SIAH3: variants seen among roughly 807,000 people sequenced by gnomAD.
The protein encoded by SIAH3 is siah E3 ubiquitin protein ligase family member 3, also known as seven in absentia homolog 3.
Under a neutral mutation model 12.6 loss-of-function variants are expected in SIAH3, and 9 were observed. The ratio of observed to expected loss-of-function variants is 0.72; its 90% confidence interval spans 0.43 to 1.25. The LOEUF (loss-of-function observed/expected upper bound fraction) is 1.25, where lower values mean the gene tolerates loss of function less well. SIAH3 is among the 50% of genes most tolerant of loss of function. The pLI, the probability that SIAH3 is intolerant of heterozygous loss-of-function variation, is 0.00. For missense variants in SIAH3, 390 were observed against 365.4 expected, an observed-to-expected ratio of 1.07 and a Z score of -0.55; for synonymous variants, 154 against 151.1, an observed-to-expected ratio of 1.02 and a Z score of -0.14.
intron 1 of SIAH3, among the ~76,000 whole-genome samples, chr13:45,838,717 C>T (rs1050856170): frequency 1.3e-5 from 2 of 152,098 alleles, no homozygotes; most frequent in African/African-American, 2.4e-5. Flanking sequence ...GGTGACTTTT[C>T]CCAGACGTCA....
chr13:45,783,537 C>CG lies in SIAH3; in HGVS notation c.655dup (p.Arg219ProfsTer5). 6.2e-7 allele frequency: 1 copy of CG among 1,614,198 alleles called. No homozygotes were observed. The highest frequency in any genetic ancestry group is 1.1e-5 in the South Asian group (1 of 91,082). On this transcript the variant is annotated frameshift_variant, in exon 2 of 2. Transcript: ENST00000400405. LOFTEE classifies it high-confidence loss of function. ...CGAGTCCACGCACTCAAGAACAGAC[C>CG]GGGGCGTGGCCTCCCACTTGAGGCG...
At chr13:45,819,523 C>T (rs972081495) in intron 1 of SIAH3, among the ~76,000 whole-genome samples, 1 of 152,036 alleles carries the variant, frequency 6.6e-6, no homozygotes, top group African/African-American at 2.4e-5. Flanking sequence ...AAAAAAACAG[C>T]AAAGAGGAAA....
intron 1 of SIAH3, among the ~76,000 whole-genome samples, chr13:45,836,428 G>T (rs1362077553): frequency 6.6e-6 from 1 of 152,172 alleles, no homozygotes; most frequent in Non-Finnish European, 1.5e-5. Flanking sequence ...GGAGTTGGAA[G>T]CCACTATATT....
intron 1 of SIAH3, among the ~76,000 whole-genome samples, chr13:45,822,684 A>G (rs73472519): frequency 0.088 from 13,380 of 151,602 alleles, 758 homozygotes; most frequent in East Asian, 0.2. Context: ...TTATATCATC[A>G]GAAAAATGTT....
chr13:45,835,710 C>A (rs1321777223), intron 1 of SIAH3, among the ~76,000 whole-genome samples: 1 of 152,174 alleles, frequency 6.6e-6, no homozygotes, highest in African/African-American at 2.4e-5. Context: ...ATATCATCTA[C>A]CCCATCTGTG....
chr13:45,792,465 C>T (rs540344225), intron 1 of SIAH3, among the ~76,000 whole-genome samples: 2 of 151,436 alleles, frequency 1.3e-5, no homozygotes, highest in East Asian at 3.9e-4. Context: ...TCATGCAATT[C>T]TCCTGCCTCA....
At chr13:45,831,504 T>C (rs1950699147) in intron 1 of SIAH3, among the ~76,000 whole-genome samples, 1 of 152,178 alleles carries the variant, frequency 6.6e-6, no homozygotes, top group Admixed American at 6.5e-5. Context: ...ACTCAGTAGA[T>C]ATTTATTGAG....
rs1380754458 is a variant in SIAH3, at chr13:45,777,557, A to G, written c.*5826T>C. 6.6e-6 allele frequency: 1 copy of G among 152,124 alleles called. No individual in the cohort carries two copies. Among genetic ancestry groups the G allele is most frequent in the Non-Finnish European group, 1.5e-5 (1 of 68,024 alleles). The allele number at this position is 152,124 out of a possible 1,614,324, so 9.4% of individuals were successfully genotyped here. Reference sequence around the variant, plus strand: ...TCATGTGATGACCTGATTTGGGGGGAAATTAATGTTTATCTACACTAGATC... The same window carrying G: ...TCATGTGATGACCTGATTTGGGGGGGAATTAATGTTTATCTACACTAGATC... On this transcript the variant is annotated 3_prime_UTR_variant, in exon 2 of 2. Transcript: ENST00000400405.
intron 1 of SIAH3, among the ~76,000 whole-genome samples, chr13:45,801,152 C>G (rs1181862227): frequency 6.6e-6 from 1 of 152,070 alleles, no homozygotes; most frequent in Non-Finnish European, 1.5e-5. Context: ...TCGCCAGCGC[C>G]TGACATATGT....
intron 1 of SIAH3, among the ~76,000 whole-genome samples, chr13:45,792,298 A>C (rs959853740): frequency 1.3e-5 from 2 of 152,090 alleles, no homozygotes; most frequent in Non-Finnish European, 2.9e-5. Flanking sequence ...CTGGGTTAGG[A>C]AGAAAGTGAG....
chr13:45,791,270 C>T (rs1342442592), intron 1 of SIAH3, among the ~76,000 whole-genome samples: 1 of 152,166 alleles, frequency 6.6e-6, no homozygotes, highest in Non-Finnish European at 1.5e-5. Context: ...GTGTTTAGTG[C>T]AGTGATGGAC....
intron 1 of SIAH3, among the ~76,000 whole-genome samples, chr13:45,835,371 T>C (rs191032313): frequency 3.3e-5 from 5 of 152,300 alleles, no homozygotes; most frequent in Non-Finnish European, 5.9e-5. Flanking sequence ...CTCCTTTCAC[T>C]ACACTAGCAT....
chr13:45,850,117 G>A (rs1950774272), intron 1 of SIAH3, among the ~76,000 whole-genome samples: 1 of 152,224 alleles, frequency 6.6e-6, no homozygotes, highest in African/African-American at 2.4e-5. Flanking sequence ...TGCATGCGAT[G>A]GCATTCGTCA....
chr13:45,814,732 C>CTTTTTTTTT (rs11386908), intron 1 of SIAH3, among the ~76,000 whole-genome samples: 1 of 146,722 alleles, frequency 6.8e-6, no homozygotes, highest in African/African-American at 2.6e-5. Flanking sequence ...TTTGCCATTA[C>CTTTTTTTTT]TTTTTTTTTT....
At chr13:45,800,189 C>T (rs1022641198) in intron 1 of SIAH3, among the ~76,000 whole-genome samples, 2 of 152,148 alleles carry the variant, frequency 1.3e-5, no homozygotes, top group African/African-American at 4.8e-5. Context: ...ATGCCATTTT[C>T]GACATAAATG....
chr13:45,843,010 G>T (rs1395558126), intron 1 of SIAH3, among the ~76,000 whole-genome samples: 1 of 113,442 alleles, frequency 8.8e-6, no homozygotes, highest in African/African-American at 3.2e-5. Flanking sequence ...TCTCAGAATT[G>T]CCATTATTTC....
chr13:45,824,210 T>G (rs986140156), intron 1 of SIAH3, among the ~76,000 whole-genome samples: 2 of 152,204 alleles, frequency 1.3e-5, no homozygotes, highest in African/African-American at 4.8e-5. Flanking sequence ...AAGTAAAAAC[T>G]GGCAGAACTT....
intron 1 of SIAH3, among the ~76,000 whole-genome samples, chr13:45,850,001 G>A (rs1249620986): frequency 6.6e-6 from 1 of 152,172 alleles, no homozygotes; most frequent in Non-Finnish European, 1.5e-5. Context: ...GCTTTGCCAA[G>A]GATGACTGGT....
At chr13:45,841,456 C>A (rs1813316619) in intron 1 of SIAH3, among the ~76,000 whole-genome samples, 1 of 152,216 alleles carries the variant, frequency 6.6e-6, no homozygotes, top group Non-Finnish European at 1.5e-5. Context: ...TCTCAGGCTA[C>A]TTGCTCCATG....
Sources: gnomAD v4.1 joint callset for allele counts (sites outside exome capture counted in the v4.1 genomes callset) on GRCh38, gnomAD v4.1.1 for gene constraint, MANE v1.5 for transcripts, NCBI Gene and HGNC (gene_info 2026-07-23, HGNC 2026-07-21) for gene names.